Variants in NIPBL observed in about 807,000 individuals in gnomAD.
NIPBL encodes the protein nipped-B-like protein.
A neutral mutation model predicts 321.8 loss-of-function variants in NIPBL; 19 were observed. The observed-to-expected ratio is 0.06, with a 90% CI of 0.04 to 0.09. The LOEUF (loss-of-function observed/expected upper bound fraction) is 0.09, where lower values mean the gene tolerates loss of function less well. Ranked by LOEUF, NIPBL falls within the 10% of genes least tolerant of loss-of-function variation. The probability of loss-of-function intolerance (pLI) is 1.00; values close to 1 mark genes in which losing one functional copy is unlikely to be tolerated. For synonymous variants in NIPBL, 1,106 were observed against 1,114.1 expected, an observed-to-expected ratio of 0.99 and a Z score of 0.14; for missense variants, 2,210 against 3,327.0, an observed-to-expected ratio of 0.66 and a Z score of 8.26.
At chr5:37,014,219 GTGGAGA>G (rs968145228) in intron 21 of NIPBL, among the ~76,000 whole-genome samples, 1 of 151,756 alleles carries the variant, frequency 6.6e-6, no homozygotes, top group African/African-American at 2.4e-5. Flanking sequence ...GAGGGAGACC[GTGGAGA>G]GGGAGAGGGA....
At chr5:37,027,251 TTTGAA>T in intron 31 of NIPBL, 103 bp from the exon 32 acceptor site, 1 of 880,526 alleles carries the variant, frequency 1.1e-6, no homozygotes. Flanking sequence ...AAAATAAACT[TTTGAA>T]TTGAGAAAAT....
Position 37,063,949 on chromosome 5 carries a change from G to A in NIPBL, c.8020G>A (p.Gly2674Arg). ...AAETEDDESD[G>R]EDRGGGTSGS... ...AGAGACAGAAGATGATGAAAGTGAT[G>A]GGGAGGATAGAGGAGGAGGCACTTC... is the stretch of plus-strand genomic sequence containing the variant. The change falls in exon 46 of 47, where the codon GGG becomes AGG. Residue 2674 changes from glycine to arginine, a missense_variant. Gly to Arg is a moderately radical substitution (Grantham distance 125). This residue lies in a region of NIPBL where 159 missense variants were observed against 319.2 expected (regional missense o/e 0.50). Transcript: ENST00000282516. 6.2e-7 allele frequency: 1 copy of A among 1,614,010 alleles called. No homozygotes were observed. The highest frequency in any genetic ancestry group is 8.5e-7 in the Non-Finnish European group (1 of 1,179,992).
chr5:36,995,332 C>T (rs926021826), intron 10 of NIPBL: 2 of 236,606 alleles, frequency 8.5e-6, no homozygotes, highest in African/African-American at 4.6e-5. Flanking sequence ...AGTTTTTAGT[C>T]AGTGCAAATT....
intron 30 of NIPBL, among the ~76,000 whole-genome samples, chr5:37,025,742 C>T (rs1379175047): frequency 3.3e-5 from 5 of 152,072 alleles, no homozygotes; most frequent in African/African-American, 1.2e-4. Context: ...GATCATTATA[C>T]ATTGTATGCT....
intron 11 of NIPBL, among the ~76,000 whole-genome samples, chr5:36,999,489 T>C (rs183402953): frequency 6.6e-6 from 1 of 152,336 alleles, no homozygotes; most frequent in African/African-American, 2.4e-5. Flanking sequence ...TGCAGACATT[T>C]CTAATCAGTC....
chr5:36,878,200 A>G (rs1745240424), intron 1 of NIPBL, among the ~76,000 whole-genome samples: 1 of 152,216 alleles, frequency 6.6e-6, no homozygotes, highest in South Asian at 2.1e-4. Flanking sequence ...AGAAGGTGCC[A>G]TCCTTTTATG....
chr5:36,928,532 A>T (rs1043873443), intron 1 of NIPBL, among the ~76,000 whole-genome samples: 7 of 152,348 alleles, frequency 4.6e-5, no homozygotes, highest in African/African-American at 1.2e-4. Context: ...TAATATCTCT[A>T]GATGCAATTT....
At chr5:36,907,472 C>T (rs1747726695) in intron 1 of NIPBL, among the ~76,000 whole-genome samples, 1 of 152,070 alleles carries the variant, frequency 6.6e-6, no homozygotes, top group Non-Finnish European at 1.5e-5. Flanking sequence ...AAGTTTAAGA[C>T]TCCAAGTGAA....
chr5:37,060,052 T>C (rs1027640707), intron 44 of NIPBL, among the ~76,000 whole-genome samples: 1 of 151,946 alleles, frequency 6.6e-6, no homozygotes, highest in Non-Finnish European at 1.5e-5. Context: ...GTGTGTTGCA[T>C]GTAAAGAGGT....
intron 1 of NIPBL, among the ~76,000 whole-genome samples, chr5:36,881,742 C>T (rs1405982726): frequency 1.3e-5 from 2 of 151,892 alleles, no homozygotes; most frequent in Admixed American, 1.3e-4. Context: ...TTGTGTACTT[C>T]AGGCAAAGAA....
chr5:36,960,082 T>C lies in NIPBL; in HGVS notation c.359-1402T>C, dbSNP rs1488431133. ...CCCTGTCTCATTGAAAAATAAAAAA[T>C]AAAAATAAAATAGAAATTTAAAAAG... is the stretch of plus-strand genomic sequence containing the variant. On this transcript the variant is annotated intron_variant, in intron 4 of 46. Transcript: ENST00000282516. Among the ~76,000 whole-genome samples, 4 of 151,954 alleles carry C rather than the reference T, an allele frequency of 2.6e-5. No homozygotes were observed. The East Asian group carries it at 7.8e-4, about 29-fold the overall frequency.
chr5:36,893,631 G>A (rs908609037), intron 1 of NIPBL, among the ~76,000 whole-genome samples: 3 of 151,946 alleles, frequency 2.0e-5, no homozygotes, highest in Non-Finnish European at 4.4e-5. Context: ...CTAGATATTT[G>A]ATATGGACTT....
intron 4 of NIPBL, among the ~76,000 whole-genome samples, chr5:36,960,875 T>G (rs1401180897): frequency 6.6e-6 from 1 of 152,194 alleles, no homozygotes; most frequent in Non-Finnish European, 1.5e-5. Context: ...CACAGGTTTT[T>G]ATTTTTTAAT....
chr5:36,908,014 A>G (rs1238767794), intron 1 of NIPBL, among the ~76,000 whole-genome samples: 4 of 152,176 alleles, frequency 2.6e-5, no homozygotes, highest in South Asian at 2.1e-4. Context: ...CTAACAACCA[A>G]TGCTGACAAG....
chr5:37,015,204 A>G (rs1474965183), intron 22 of NIPBL, among the ~76,000 whole-genome samples: 2 of 151,260 alleles, frequency 1.3e-5, no homozygotes, highest in South Asian at 2.1e-4. Context: ...GCTAACTGCA[A>G]CCTCCGCCTC....
At chr5:36,947,363 G>A (rs1022520199) in intron 1 of NIPBL, among the ~76,000 whole-genome samples, 1 of 151,896 alleles carries the variant, frequency 6.6e-6, no homozygotes, top group Admixed American at 6.6e-5. Flanking sequence ...AAGTACTGCA[G>A]TATTCTAACA....
At position 36,961,582 on chromosome 5, in the gene NIPBL, A is replaced by C; in HGVS notation, c.457A>C (p.Ser153Arg). 1 of 1,525,294 alleles carries C rather than the reference A, an allele frequency of 6.6e-7. No individual in the cohort carries two copies. The highest frequency in any genetic ancestry group is 9.1e-7 in the Non-Finnish European group (1 of 1,099,022). 94.5% of individuals were successfully genotyped at this position (1,525,294 alleles called of 1,614,324 possible). Residue 153 changes from serine to arginine, a missense_variant and splice_region_variant, in exon 5 of 47, where the codon AGC becomes CGC. This residue lies in a region of NIPBL where 464 missense variants were observed against 529.5 expected (regional missense o/e 0.88). Coordinates refer to ENST00000282516, the MANE Select transcript of NIPBL (RefSeq NM_133433.4). Reference protein sequence around the residue: ...QQTTISHSPSSRFVPPQTSSG... With the variant: ...QQTTISHSPSRRFVPPQTSSG... ...AACCACTATCTCACATAGCCCCTCCAGGTAATATATGTATATATCGTTTAT... is the reference window on the plus strand; with the variant it reads ...AACCACTATCTCACATAGCCCCTCCCGGTAATATATGTATATATCGTTTAT...
intron 30 of NIPBL, among the ~76,000 whole-genome samples, chr5:37,025,365 A>C (rs1057330634): frequency 1.3e-5 from 2 of 152,230 alleles, no homozygotes; most frequent in Admixed American, 1.3e-4. Flanking sequence ...TTAGTTTTCT[A>C]AATTATTAAA....
At position 37,066,388 on chromosome 5, in the gene NIPBL, C is replaced by T. The variant is rs1030059029; in HGVS notation, c.*1496C>T. ...ATTGCCACAAAATACCTTTTTGTGA[C>T]ACCTATTAAACCACTATGAAAATAA... On this transcript the variant is annotated 3_prime_UTR_variant, in exon 47 of 47. Coordinates refer to ENST00000282516, the MANE Select transcript of NIPBL (RefSeq NM_133433.4). 6.6e-6 allele frequency: 1 copy of T among 152,160 alleles called. No homozygotes were observed. Among genetic ancestry groups the T allele is most frequent in the Non-Finnish European group, 1.5e-5 (1 of 68,018 alleles). The allele number at this position is 152,160 out of a possible 1,614,324, so 9.4% of individuals were successfully genotyped here. A position where few individuals can be genotyped will look rare whatever the true frequency, so the allele number is the denominator to read the frequency against.
Sources: allele counts gnomAD v4.1 joint callset (sites outside exome capture counted in the v4.1 genomes callset), GRCh38; gene constraint gnomAD v4.1.1; regional missense constraint gnomAD v4.1.1; transcripts MANE v1.5; gene names NCBI Gene and HGNC (gene_info 2026-07-23, HGNC 2026-07-21).